MIPOL1: variants seen among roughly 807,000 people sequenced by gnomAD.
MIPOL1 encodes the protein mirror-image polydactyly 1.
In MIPOL1, 57 loss-of-function variants were observed where a neutral mutation model predicts 60.9. The observed-to-expected ratio is 0.94, with a 90% CI of 0.76 to 1.17. The LOEUF is 1.17. Among genes scored for constraint, MIPOL1 ranks in the 50% most tolerant of loss-of-function variants. MIPOL1 has a pLI of 0.00. For missense variants in MIPOL1, 551 were observed against 511.6 expected, an observed-to-expected ratio of 1.08 and a Z score of -0.74; for synonymous variants, 179 against 168.8, an observed-to-expected ratio of 1.06 and a Z score of -0.47.
intron 9 of MIPOL1, among the ~76,000 whole-genome samples, chr14:37,339,454 CTT>C (rs943610170): frequency 6.6e-6 from 1 of 152,056 alleles, no homozygotes; most frequent in Non-Finnish European, 1.5e-5. Context: ...ATTTCTAGGT[CTT>C]TACCTTGGAA....
chr14:37,512,511 A>G (rs1173301567), intron 12 of MIPOL1, among the ~76,000 whole-genome samples: 1 of 151,428 alleles, frequency 6.6e-6, no homozygotes, highest in Non-Finnish European at 1.5e-5. Flanking sequence ...TTTCATCAAT[A>G]CATTTTACTA....
At chr14:37,459,859 G>C (rs1300429183) in intron 11 of MIPOL1, among the ~76,000 whole-genome samples, 2 of 152,154 alleles carry the variant, frequency 1.3e-5, no homozygotes, top group African/African-American at 4.8e-5. Flanking sequence ...CAGATAAGTT[G>C]AGGTCAGGAG....
chr14:37,231,428 G>C (rs1336594262), intron 1 of MIPOL1, among the ~76,000 whole-genome samples: 4 of 152,054 alleles, frequency 2.6e-5, no homozygotes, highest in African/African-American at 9.7e-5. Context: ...TAAATGGCTT[G>C]CACTCAATGA....
At chr14:37,517,698 A>C (rs1236422175) in intron 12 of MIPOL1, among the ~76,000 whole-genome samples, 1 of 152,198 alleles carries the variant, frequency 6.6e-6, no homozygotes. Flanking sequence ...TGTAAAAAAG[A>C]ATAAGGACGA....
At chr14:37,380,063 C>G (rs1566481447) in intron 10 of MIPOL1, among the ~76,000 whole-genome samples, 1 of 152,042 alleles carries the variant, frequency 6.6e-6, no homozygotes, top group Admixed American at 6.6e-5. Flanking sequence ...GGGAAGGGAG[C>G]TAAGTCAGTT....
intron 1 of MIPOL1, among the ~76,000 whole-genome samples, chr14:37,236,411 G>A (rs1971485238): frequency 6.6e-6 from 1 of 151,988 alleles, no homozygotes; most frequent in African/African-American, 2.4e-5. Context: ...ATTGAAGGCT[G>A]TAGTAGTGTG....
intron 7 of MIPOL1, among the ~76,000 whole-genome samples, chr14:37,299,993 A>G (rs1162642065): frequency 6.6e-6 from 1 of 151,972 alleles, no homozygotes; most frequent in Admixed American, 6.6e-5. Context: ...CCTCATGGTT[A>G]TGTTGGGTTT....
At chr14:37,438,745 T>G (rs561884836) in intron 11 of MIPOL1, among the ~76,000 whole-genome samples, 1 of 152,310 alleles carries the variant, frequency 6.6e-6, no homozygotes, top group East Asian at 1.9e-4. Context: ...CTGCACAAAT[T>G]ACAACCACAG....
chr14:37,241,542 G>C (rs1038129518), intron 1 of MIPOL1, among the ~76,000 whole-genome samples: 1 of 138,536 alleles, frequency 7.2e-6, no homozygotes, highest in African/African-American at 2.7e-5. Context: ...AGATAGTGAG[G>C]ACTGGTCTCT....
intron 1 of MIPOL1, among the ~76,000 whole-genome samples, chr14:37,219,198 T>G (rs1968322433): frequency 6.6e-6 from 1 of 152,140 alleles, no homozygotes; most frequent in South Asian, 2.1e-4. Flanking sequence ...GAAGTCAGGC[T>G]ACAGTGATCA....
chr14:37,364,759 G>T (rs939293833), intron 9 of MIPOL1, among the ~76,000 whole-genome samples: 3 of 152,114 alleles, frequency 2.0e-5, no homozygotes, highest in African/African-American at 7.2e-5. Context: ...TTTCTGTGAA[G>T]AATGTCATTG....
chr14:37,206,897 C>G (rs895049480), intron 1 of MIPOL1, among the ~76,000 whole-genome samples: 3 of 152,208 alleles, frequency 2.0e-5, no homozygotes, highest in Non-Finnish European at 4.4e-5. Flanking sequence ...GCCTGTACCC[C>G]CATTGTATCT....
chr14:37,423,673 A>G lies in MIPOL1; in HGVS notation c.1031+724A>G, dbSNP rs1255124182. On this transcript the variant is annotated intron_variant, in intron 11 of 12. Transcript: ENST00000684589. Reference sequence around the variant, plus strand: ...TCATTACTAAGTTTAAAAAATCCTCAAGTCTGAAATGTAGGAATTCACTAA... The same window carrying G: ...TCATTACTAAGTTTAAAAAATCCTCGAGTCTGAAATGTAGGAATTCACTAA... 3.3e-5 allele frequency: 5 copies of G among 152,236 alleles called. 1 individual carries two copies. The highest frequency in any genetic ancestry group is 7.4e-5 in the Non-Finnish European group (5 of 67,988). 9.4% of individuals were successfully genotyped at this position (152,236 alleles called of 1,614,324 possible). A position where few individuals can be genotyped will look rare whatever the true frequency, so the allele number is the denominator to read the frequency against.
chr14:37,296,990 G>A (rs1457285174), intron 7 of MIPOL1, among the ~76,000 whole-genome samples: 9 of 152,148 alleles, frequency 5.9e-5, no homozygotes, highest in African/African-American at 1.9e-4. Context: ...AAGCCTGGCA[G>A]AGACACAACA....
chr14:37,318,875 C>T (rs976023117), intron 9 of MIPOL1, among the ~76,000 whole-genome samples: 1 of 151,990 alleles, frequency 6.6e-6, no homozygotes, highest in Non-Finnish European at 1.5e-5. Context: ...GTTACCCAGG[C>T]TGGAATACAG....
intron 7 of MIPOL1, among the ~76,000 whole-genome samples, chr14:37,286,788 A>G (rs191369810): frequency 6.6e-6 from 1 of 152,320 alleles, no homozygotes; most frequent in Non-Finnish European, 1.5e-5. Context: ...TCAAGAAACA[A>G]AAAAAATCAT....
At chr14:37,272,099 TA>T (rs2083340715) in intron 6 of MIPOL1, among the ~76,000 whole-genome samples, 3 of 146,020 alleles carry the variant, frequency 2.1e-5, no homozygotes, top group Non-Finnish European at 3.0e-5. Flanking sequence ...AATAACAAAA[TA>T]TTATATTAAT....
chr14:37,424,947 A>G (rs1027088029), intron 11 of MIPOL1, among the ~76,000 whole-genome samples: 5 of 152,196 alleles, frequency 3.3e-5, no homozygotes, highest in Admixed American at 3.3e-4. Flanking sequence ...AAATTCCTTT[A>G]TGCAGCCAAG....
intron 12 of MIPOL1, among the ~76,000 whole-genome samples, chr14:37,526,470 C>T (rs1289381891): frequency 3.3e-5 from 5 of 150,014 alleles, no homozygotes; most frequent in African/African-American, 4.9e-5. Flanking sequence ...CCCCGGTTTA[C>T]GCCATTCTCC....
Sources: gnomAD v4.1 joint callset for allele counts (sites outside exome capture counted in the v4.1 genomes callset) on GRCh38, gnomAD v4.1.1 for gene constraint, MANE v1.5 for transcripts, NCBI Gene and HGNC (gene_info 2026-07-23, HGNC 2026-07-21) for gene names.